Variants in GALNTL6 observed in about 807,000 individuals in gnomAD.
GALNTL6 encodes polypeptide N-acetylgalactosaminyltransferase like 6, also known as polypeptide N-acetylgalactosaminyltransferase-like 6.
GALNTL6 carries 46 observed loss-of-function variants against 73.7 expected under a neutral mutation model. The ratio of observed to expected loss-of-function variants is 0.62; its 90% CI spans 0.49 to 0.80. GALNTL6 has a LOEUF of 0.80. GALNTL6 is among the 30% of genes least tolerant of loss of function. The pLI is 0.00. For missense variants in GALNTL6, 604 were observed against 755.0 expected, an observed-to-expected ratio of 0.80 and a Z score of 2.34; for synonymous variants, 259 against 263.7, an observed-to-expected ratio of 0.98 and a Z score of 0.17.
intron 4 of GALNTL6, among the ~76,000 whole-genome samples, chr4:172,332,690 G>T (rs1741175007): frequency 6.6e-6 from 1 of 151,544 alleles, no homozygotes; most frequent in Non-Finnish European, 1.5e-5. Context: ...TATTTTCATT[G>T]TCCAGTCATC....
At chr4:171,908,333 G>A (rs1279760090) in intron 2 of GALNTL6, among the ~76,000 whole-genome samples, 15 of 152,078 alleles carry the variant, frequency 9.9e-5, no homozygotes, top group Non-Finnish European at 1.8e-4. Context: ...AAAAGTGGGA[G>A]AAGGACATGA....
chr4:172,999,270 G>A (rs917529700), intron 10 of GALNTL6, among the ~76,000 whole-genome samples: 7 of 152,126 alleles, frequency 4.6e-5, no homozygotes, highest in South Asian at 4.1e-4. Flanking sequence ...CCACTCCTGC[G>A]AGGGCTGCTC....
At chr4:172,980,366 C>T (rs1253347237) in intron 10 of GALNTL6, among the ~76,000 whole-genome samples, 2 of 152,194 alleles carry the variant, frequency 1.3e-5, no homozygotes, top group African/African-American at 4.8e-5. Context: ...CAACCAGCAC[C>T]ACTATCCATC....
At chr4:172,408,777 G>A (rs1032853963) in intron 5 of GALNTL6, among the ~76,000 whole-genome samples, 7 of 152,106 alleles carry the variant, frequency 4.6e-5, no homozygotes, top group East Asian at 1.9e-4. Flanking sequence ...CCACTGCTCC[G>A]ATGACTTGCT....
In GALNTL6 at chr4:171,814,573, C is replaced by T. The variant is rs1238412569; in HGVS notation, c.-8C>T. ...TCCTTTAACTTTTCTTCTCTGTTACCATTTGCAATGAAGAGGAAACAGAAG... is the reference window on the plus strand; with the variant it reads ...TCCTTTAACTTTTCTTCTCTGTTACTATTTGCAATGAAGAGGAAACAGAAG... On this transcript the variant is annotated 5_prime_UTR_variant, in exon 2 of 13. Transcript: ENST00000506823. 4 of 1,613,894 alleles carry T rather than the reference C, an allele frequency of 2.5e-6. No homozygotes were observed. The East Asian group carries it at 8.9e-5, about 36-fold the overall frequency.
chr4:172,090,948 A>G (rs184007346), intron 2 of GALNTL6, among the ~76,000 whole-genome samples: 1 of 152,306 alleles, frequency 6.6e-6, no homozygotes, highest in Non-Finnish European at 1.5e-5. Context: ...TTTATTAAAC[A>G]GGGAATCTTT....
At chr4:172,625,769 G>C (rs1410179385) in intron 5 of GALNTL6, among the ~76,000 whole-genome samples, 1 of 152,058 alleles carries the variant, frequency 6.6e-6, no homozygotes, top group Non-Finnish European at 1.5e-5. Flanking sequence ...ATTATCTTAT[G>C]ATTAGTGATG....
At chr4:172,774,790 T>A (rs7685030) in intron 5 of GALNTL6, among the ~76,000 whole-genome samples, 78,734 of 151,562 alleles carry the variant, frequency 0.52, 21,286 homozygotes, top group East Asian at 0.78. Context: ...TGAAACCCCG[T>A]CTCTACTAAA....
chr4:172,996,195 A>G (rs1348701720), intron 10 of GALNTL6, among the ~76,000 whole-genome samples: 1 of 151,930 alleles, frequency 6.6e-6, no homozygotes, highest in African/African-American at 2.4e-5. Context: ...CACACCATGG[A>G]ATACTATGCA....
intron 4 of GALNTL6, among the ~76,000 whole-genome samples, chr4:172,337,096 C>T (rs1741359038): frequency 6.6e-6 from 1 of 152,080 alleles, no homozygotes; most frequent in Admixed American, 6.5e-5. Context: ...GACCCCTGCT[C>T]TTTTTTGTTT....
chr4:172,752,511 T>C (rs1737485158), intron 5 of GALNTL6, among the ~76,000 whole-genome samples: 1 of 152,058 alleles, frequency 6.6e-6, no homozygotes, highest in South Asian at 2.1e-4. Context: ...TTATGTCCAT[T>C]TAGTAAATGA....
chr4:172,097,603 T>C (rs749476320), intron 2 of GALNTL6, among the ~76,000 whole-genome samples: 8 of 152,124 alleles, frequency 5.3e-5, no homozygotes, highest in Non-Finnish European at 1.2e-4. Flanking sequence ...GAAACCATTT[T>C]AGAACCATGA....
At chr4:172,273,020 A>G (rs903627583) in intron 3 of GALNTL6, among the ~76,000 whole-genome samples, 1 of 148,078 alleles carries the variant, frequency 6.8e-6, no homozygotes, top group African/African-American at 2.5e-5. Context: ...CAGAATATCT[A>G]AGGACTTTTT....
At chr4:173,009,030 T>C (rs375629644) in intron 10 of GALNTL6, 148 bp from the exon 11 acceptor site, 1 of 634,604 alleles carries the variant, frequency 1.6e-6, no homozygotes, top group Non-Finnish European at 2.9e-6. Flanking sequence ...TTTTTCTCCA[T>C]AAATTGCATA....
chr4:172,934,188 G>A (rs1040093827), intron 9 of GALNTL6, among the ~76,000 whole-genome samples: 3 of 152,158 alleles, frequency 2.0e-5, no homozygotes, highest in Non-Finnish European at 4.4e-5. Context: ...AGGAAGTAGC[G>A]TCATAGCTGT....
intron 5 of GALNTL6, among the ~76,000 whole-genome samples, chr4:172,688,462 G>A (rs1733062851): frequency 1.3e-5 from 2 of 152,162 alleles, no homozygotes; most frequent in African/African-American, 4.8e-5. Flanking sequence ...GGAGGAAGTT[G>A]TCACCATTTG....
intron 3 of GALNTL6, among the ~76,000 whole-genome samples, chr4:172,230,178 C>T (rs1337968156): frequency 2.6e-5 from 4 of 151,960 alleles, no homozygotes; most frequent in East Asian, 1.9e-4. Context: ...ACTGGCGGGA[C>T]GTACAGCAAG....
At chr4:172,003,550 G>A (rs184719621) in intron 2 of GALNTL6, among the ~76,000 whole-genome samples, 177 of 152,182 alleles carry the variant, frequency 1.2e-3, no homozygotes, top group African/African-American at 4.0e-3. Context: ...TTAGTCAAGG[G>A]CAGCTTTGTT....
At chr4:172,273,867 C>G (rs1312019230) in intron 3 of GALNTL6, among the ~76,000 whole-genome samples, 2 of 152,152 alleles carry the variant, frequency 1.3e-5, no homozygotes, top group Non-Finnish European at 2.9e-5. Context: ...GACCTTTCAG[C>G]TGATGGCACC....
Sources: gnomAD v4.1 joint callset for allele counts (sites outside exome capture counted in the v4.1 genomes callset) on GRCh38, gnomAD v4.1.1 for gene constraint, MANE v1.5 for transcripts, NCBI Gene and HGNC (gene_info 2026-07-23, HGNC 2026-07-21) for gene names.